The following MALRD1 variants were observed in gnomAD, a reference collection of about 807,000 sequenced individuals.
MALRD1 encodes the protein MAM and LDL-receptor class A domain-containing protein 1.
A neutral mutation model predicts 242.1 loss-of-function variants in MALRD1; 247 were observed. The ratio of observed to expected loss-of-function variants is 1.02; its 90% CI spans 0.92 to 1.13. The LOEUF (loss-of-function observed/expected upper bound fraction) is 1.13. Among genes scored for constraint, MALRD1 ranks in the 50% most tolerant of loss-of-function variants. The probability of loss-of-function intolerance (pLI) is 0.00; values close to 1 mark genes in which losing one functional copy is unlikely to be tolerated. For missense variants in MALRD1, 2,989 were observed against 2,533.1 expected (o/e 1.18, Z -3.86); for synonymous variants, 995 against 866.6 (o/e 1.15, Z -2.60).
At chr10:19,420,530 T>C (rs1271440872) in intron 28 of MALRD1, among the ~76,000 whole-genome samples, 1 of 152,148 alleles carries the variant, frequency 6.6e-6, no homozygotes, top group Non-Finnish European at 1.5e-5. Flanking sequence ...ATAAGTTTTA[T>C]CTTAAAGTCA....
intron 23 of MALRD1, among the ~76,000 whole-genome samples, chr10:19,329,735 A>G (rs951261200): frequency 6.6e-6 from 1 of 152,200 alleles, no homozygotes; most frequent in Non-Finnish European, 1.5e-5. Flanking sequence ...TTAGAAAATA[A>G]TTAACCCTGA....
chr10:19,127,576 A>C (rs1837322357), intron 7 of MALRD1, among the ~76,000 whole-genome samples: 1 of 152,184 alleles, frequency 6.6e-6, no homozygotes, highest in Admixed American at 6.5e-5. Context: ...GAAGTTGTAA[A>C]ATTATAGAAA....
intron 31 of MALRD1, among the ~76,000 whole-genome samples, chr10:19,506,317 A>C (rs1833139536): frequency 6.6e-6 from 1 of 152,366 alleles, no homozygotes; most frequent in African/African-American, 2.4e-5. Flanking sequence ...GGAAAAGAAC[A>C]GTTATCCCTG....
chr10:19,347,137 C>G (rs1844167578), intron 24 of MALRD1, among the ~76,000 whole-genome samples: 1 of 152,130 alleles, frequency 6.6e-6, no homozygotes, highest in Non-Finnish European at 1.5e-5. Context: ...TGTGTAATTA[C>G]TACTGTCATG....
intron 19 of MALRD1, among the ~76,000 whole-genome samples, chr10:19,269,281 GAT>G (rs200369569): frequency 0.015 from 2,318 of 152,326 alleles, 62 homozygotes; most frequent in African/African-American, 0.053. Context: ...AGGTCATGAG[GAT>G]GAGGTTCTTA....
Position 19,607,862 on chromosome 10 carries a change from C to G in MALRD1, c.6030C>G (p.Ala2010=). 1 of 1,549,564 alleles carries G rather than the reference C, an allele frequency of 6.5e-7. No individual in the cohort carries two copies. Among genetic ancestry groups the G allele is most frequent in the Non-Finnish European group, 8.7e-7 (1 of 1,146,418 alleles). ...CCCACCAGCGCTGTGATGGTTTTGC[C>G]GACTGCATGGATTTCCAGCTTGATG... ...IPAHQRCDGF[A]DCMDFQLDES... is the part of the protein sequence containing the mutation. The change falls in exon 35 of 40, where the codon GCC becomes GCG. Residue 2010 remains alanine, a synonymous_variant. Coordinates refer to ENST00000454679, the MANE Select transcript of MALRD1 (RefSeq NM_001142308.3).
At chr10:19,612,861 T>A (rs1452669802) in intron 35 of MALRD1, among the ~76,000 whole-genome samples, 1 of 151,972 alleles carries the variant, frequency 6.6e-6, no homozygotes, top group African/African-American at 2.4e-5. Flanking sequence ...ACCACTCCCA[T>A]GATCCAGTCA....
chr10:19,705,243 A>G (rs1427526213), intron 38 of MALRD1, among the ~76,000 whole-genome samples: 1 of 152,150 alleles, frequency 6.6e-6, no homozygotes, highest in Non-Finnish European at 1.5e-5. Context: ...CCACCGATGA[A>G]TATTTATCCT....
rs1589457769 is a variant in MALRD1 at position 19,734,023 on chromosome 10, G to A, written c.6391-134G>A. 3.3e-5 allele frequency: 21 copies of A among 629,150 alleles called. No homozygotes were observed. In the East Asian group the frequency reaches 5.9e-4, roughly 18 times the overall value. 39.0% of individuals were successfully genotyped at this position (629,150 alleles called of 1,614,324 possible). Reference sequence around the variant, plus strand: ...GTGTGGGCTGTAGGTGCTGGAAGAAGAGTCAGGGATGTTCTAGTTATTACT... The same window carrying A: ...GTGTGGGCTGTAGGTGCTGGAAGAAAAGTCAGGGATGTTCTAGTTATTACT... On this transcript the variant is annotated intron_variant, in intron 39 of 39. Transcript: ENST00000454679.
At chr10:19,424,316 C>T (rs183066332) in intron 28 of MALRD1, among the ~76,000 whole-genome samples, 5 of 152,134 alleles carry the variant, frequency 3.3e-5, no homozygotes, top group African/African-American at 7.2e-5. Flanking sequence ...CCCACCACCA[C>T]GCTTAGCTCA....
chr10:19,625,721 T>G (rs192893143), intron 36 of MALRD1, among the ~76,000 whole-genome samples: 2 of 152,308 alleles, frequency 1.3e-5, no homozygotes, highest in Admixed American at 1.3e-4. Context: ...TGCTGAAATA[T>G]ATCATTAATA....
Position 19,531,426 on chromosome 10 carries a change from A to C in MALRD1, c.5478+75A>C, listed in dbSNP as rs140120798. On this transcript the variant is annotated intron_variant, in intron 32 of 39. Transcript: ENST00000454679. ...TTTAAACATTGTCTTCCCTTGTCTT[A>C]TTTGTATTTTTGTTGGTCACACCGC... The C allele has an allele frequency of 2.2e-5, 30 of 1,365,540 alleles. No homozygotes were observed. The African/African-American group carries it at 3.4e-4, about 15-fold the overall frequency. The allele number at this position is 1,365,540 out of a possible 1,614,324, so 84.6% of individuals were successfully genotyped here.
chr10:19,370,892 A>G (rs971572737), intron 26 of MALRD1, among the ~76,000 whole-genome samples: 1 of 152,038 alleles, frequency 6.6e-6, no homozygotes, highest in Non-Finnish European at 1.5e-5. Flanking sequence ...ATTAGTTTTA[A>G]TAGTCACCTT....
At chr10:19,192,191 T>G (rs1402929649) in intron 14 of MALRD1, among the ~76,000 whole-genome samples, 2 of 151,098 alleles carry the variant, frequency 1.3e-5, no homozygotes, top group Non-Finnish European at 3.0e-5. Context: ...AAGAAAGGAG[T>G]GGATAATTCT....
In MALRD1 at chr10:19,283,085, T is replaced by A. The variant is rs1479875921; in HGVS notation, c.3323T>A (p.Leu1108Ter). The change falls in exon 21 of 40, where the codon TTG becomes TAG. Residue 1108 changes from leucine (L) to a stop codon, truncating the protein, a stop_gained. Coordinates refer to ENST00000454679, the MANE Select transcript of MALRD1 (RefSeq NM_001142308.3). LOFTEE classifies it high-confidence loss of function. ...TGGTATCAACCAATCCCAGTACATTTGCTTCAAGATTCAAACACATTCAGG... is the reference window on the plus strand; with the variant it reads ...TGGTATCAACCAATCCCAGTACATTAGCTTCAAGATTCAAACACATTCAGG... The part of the protein sequence containing the change: ...CKWYQPIPVH[L>*]LQDSNTFRWG... 3 of 1,550,072 alleles carry A rather than the reference T, an allele frequency of 1.9e-6. No individual in the cohort carries two copies. The highest frequency in any genetic ancestry group is 3.9e-5 in the Admixed American group (2 of 50,954).
chr10:19,629,805 C>T (rs751602804), intron 36 of MALRD1, among the ~76,000 whole-genome samples: 8 of 152,174 alleles, frequency 5.3e-5, no homozygotes, highest in South Asian at 2.1e-4. Flanking sequence ...GGCCCTGGAA[C>T]GGCTGGCCAT....
chr10:19,345,428 A>T (rs1338540624), intron 24 of MALRD1, among the ~76,000 whole-genome samples: 5 of 152,134 alleles, frequency 3.3e-5, no homozygotes, highest in African/African-American at 1.2e-4. Flanking sequence ...AGCGGTTCAT[A>T]TTCTAAACTA....
intron 19 of MALRD1, among the ~76,000 whole-genome samples, chr10:19,269,184 C>T (rs886280089): frequency 2.6e-5 from 4 of 152,182 alleles, no homozygotes; most frequent in African/African-American, 9.6e-5. Flanking sequence ...ATATTTTCCC[C>T]ACTCCACAAT....
At chr10:19,591,163 C>A (rs911217765) in intron 33 of MALRD1, among the ~76,000 whole-genome samples, 1 of 152,114 alleles carries the variant, frequency 6.6e-6, no homozygotes. Flanking sequence ...AGCATGTAGC[C>A]TTTTCACATT....
Sources: allele counts gnomAD v4.1 joint callset (sites outside exome capture counted in the v4.1 genomes callset), GRCh38; gene constraint gnomAD v4.1.1; transcripts MANE v1.5; gene names NCBI Gene and HGNC (gene_info 2026-07-23, HGNC 2026-07-21).